Variants in KCNH1 observed in about 807,000 individuals in gnomAD.
The protein encoded by KCNH1 is voltage-gated delayed rectifier potassium channel KCNH1.
KCNH1 carries 27 observed loss-of-function variants against 69.2 expected under a neutral mutation model. That is an observed-to-expected ratio of 0.39 (90% CI 0.29 to 0.54). The LOEUF (loss-of-function observed/expected upper bound fraction) is 0.54. Among genes scored for constraint, KCNH1 ranks in the 20% least tolerant of loss-of-function variants. KCNH1 has a pLI of 0.68. For synonymous variants in KCNH1, 456 were observed against 487.7 expected, an observed-to-expected ratio of 0.93 and a Z score of 0.86; for missense variants, 798 against 1,261.6, an observed-to-expected ratio of 0.63 and a Z score of 5.57.
chr1:210,923,536 C>T (rs1217428982), intron 6 of KCNH1, among the ~76,000 whole-genome samples: 1 of 152,238 alleles, frequency 6.6e-6, no homozygotes, highest in Non-Finnish European at 1.5e-5. Flanking sequence ...TGCAAGCATC[C>T]CACATGGTGG....
intron 6 of KCNH1, among the ~76,000 whole-genome samples, chr1:210,960,148 T>A (rs1476977294): frequency 6.6e-6 from 1 of 152,230 alleles, no homozygotes; most frequent in Non-Finnish European, 1.5e-5. Flanking sequence ...AATGTATATG[T>A]CACATAAAAA....
rs1685051866 is a variant in KCNH1, at chr1:210,827,280, G to C, written c.1463-23114C>G. ...GAACCTGGGAGATGGAGGTTGCAGTGAGCCGAGATTGCGCCATTGCACTCT... is the reference window on the plus strand; with the variant it reads ...GAACCTGGGAGATGGAGGTTGCAGTCAGCCGAGATTGCGCCATTGCACTCT... On this transcript the variant is annotated intron_variant, in intron 7 of 10. Transcript: ENST00000271751. Among the ~76,000 whole-genome samples, 4 of 152,156 alleles carry C rather than the reference G, an allele frequency of 2.6e-5. No individual in the cohort carries two copies. The South Asian group carries it at 6.2e-4, about 24-fold the overall frequency.
intron 7 of KCNH1, among the ~76,000 whole-genome samples, chr1:210,900,937 G>A (rs1347473050): frequency 6.6e-6 from 1 of 151,912 alleles, no homozygotes; most frequent in African/African-American, 2.4e-5. Context: ...ATAAAACACA[G>A]ACACCCCTCC....
At chr1:210,883,003 A>C (rs1574315625) in intron 7 of KCNH1, among the ~76,000 whole-genome samples, 1 of 152,342 alleles carries the variant, frequency 6.6e-6, no homozygotes, top group East Asian at 1.9e-4. Flanking sequence ...ATGAGTAATA[A>C]GTTCCAGTAG....
intron 7 of KCNH1, chr1:210,861,219 T>TA (rs753657352): frequency 4.5e-5 from 44 of 980,076 alleles, no homozygotes; most frequent in Admixed American, 6.8e-5. Context: ...AATGGAAAAA[T>TA]AACATCTTGG....
intron 6 of KCNH1, among the ~76,000 whole-genome samples, chr1:210,934,991 T>C (rs1000868794): frequency 6.6e-6 from 1 of 152,028 alleles, no homozygotes; most frequent in Non-Finnish European, 1.5e-5. Flanking sequence ...TGCTGGGTTA[T>C]GCCCAAAAGA....
chr1:210,899,505 A>T lies in KCNH1; in HGVS notation c.1462+20135T>A, dbSNP rs79023113. Among the ~76,000 whole-genome samples, 474 of 141,510 alleles carry T rather than the reference A, an allele frequency of 3.3e-3. 8 individuals are homozygous for T. The East Asian group carries it at 0.055, about 16-fold the overall frequency. 92.8% of individuals were successfully genotyped at this position (141,510 alleles called of 152,430 possible). ...TCACTTATGAGATATATATATATATATTTTTATCATTATCTCATACAAACA... is the reference window on the plus strand; with the variant it reads ...TCACTTATGAGATATATATATATATTTTTTTATCATTATCTCATACAAACA... On this transcript the variant is annotated intron_variant, in intron 7 of 10. Coordinates refer to ENST00000271751, the MANE Select transcript of KCNH1 (RefSeq NM_172362.3).
rs17260648 is a variant in KCNH1 at position 210,679,844 on chromosome 1, G to C, written c.*3437C>G. 7,372 of 152,286 alleles carry C rather than the reference G, an allele frequency of 0.048. 265 individuals are homozygous for C. Among genetic ancestry groups the C allele is most frequent in the Middle Eastern group, 0.078 (23 of 294 alleles). The allele number at this position is 152,286 out of a possible 1,614,324, so 9.4% of individuals were successfully genotyped here. On this transcript the variant is annotated 3_prime_UTR_variant, in exon 11 of 11. Transcript: ENST00000271751. ...GTAAGAAATGCATTTCCAAAAGTTT[G>C]CTGGAAGGCTGCTAAATGGGCTCAG...
intron 7 of KCNH1, among the ~76,000 whole-genome samples, chr1:210,856,878 T>TATATAA (rs1685857901): frequency 9.4e-5 from 1 of 10,622 alleles, no homozygotes; most frequent in South Asian, 1.3e-3. Flanking sequence ...TATAACCCAC[T>TATATAA]ATATATATAT....
chr1:211,060,400 CAAAAAA>C (rs60620622), intron 5 of KCNH1, among the ~76,000 whole-genome samples: 21 of 44,328 alleles, frequency 4.7e-4, no homozygotes, highest in Admixed American at 2.7e-3. Context: ...GACTCCGTCT[CAAAAAA>C]AAAAAAAAAA....
At chr1:210,771,037 T>G (rs148868327) in intron 10 of KCNH1, among the ~76,000 whole-genome samples, 335 of 152,286 alleles carry the variant, frequency 2.2e-3, no homozygotes, top group Middle Eastern at 0.014. Flanking sequence ...TGTAATAAGC[T>G]GACATACACG....
intron 6 of KCNH1, among the ~76,000 whole-genome samples, chr1:210,981,123 A>G (rs1688701718): frequency 6.6e-6 from 1 of 152,088 alleles, no homozygotes; most frequent in African/African-American, 2.4e-5. Context: ...CACTAAAGTC[A>G]CTCAGAGAAA....
chr1:210,967,946 C>T (rs1574367946), intron 6 of KCNH1, among the ~76,000 whole-genome samples: 1 of 151,928 alleles, frequency 6.6e-6, no homozygotes, highest in East Asian at 1.9e-4. Flanking sequence ...ATACATGTGC[C>T]ATGCTGGTGC....
chr1:211,099,024 T>C (rs1479370394), intron 3 of KCNH1, among the ~76,000 whole-genome samples: 2 of 152,168 alleles, frequency 1.3e-5, no homozygotes, highest in African/African-American at 4.8e-5. Flanking sequence ...ACAAAATATA[T>C]TTGTATAACA....
At chr1:210,772,598 T>C (rs1339121555) in intron 10 of KCNH1, among the ~76,000 whole-genome samples, 1 of 152,006 alleles carries the variant, frequency 6.6e-6, no homozygotes, top group Admixed American at 6.6e-5. Flanking sequence ...GACTCATATA[T>C]AGTCACTTAG....
chr1:210,880,963 A>AT (rs1200710234), intron 7 of KCNH1, among the ~76,000 whole-genome samples: 1 of 152,160 alleles, frequency 6.6e-6, no homozygotes, highest in Admixed American at 6.6e-5. Context: ...GTAAGCATAT[A>AT]AAAAGATATT....
chr1:210,994,970 T>C (rs1211039130), intron 6 of KCNH1, among the ~76,000 whole-genome samples: 1 of 152,224 alleles, frequency 6.6e-6, no homozygotes, highest in Non-Finnish European at 1.5e-5. Context: ...ATAAAGTATT[T>C]AGCACTTATT....
chr1:210,893,142 T>A (rs1407003998), intron 7 of KCNH1, among the ~76,000 whole-genome samples: 2 of 152,186 alleles, frequency 1.3e-5, no homozygotes, highest in Non-Finnish European at 2.9e-5. Flanking sequence ...TTTCATTCAG[T>A]ATCATTTTTG....
At chr1:210,910,991 G>C (rs139201870) in intron 7 of KCNH1, among the ~76,000 whole-genome samples, 1 of 152,122 alleles carries the variant, frequency 6.6e-6, no homozygotes, top group African/African-American at 2.4e-5. Flanking sequence ...CCAGCTGCAC[G>C]TGGTTTTCCT....
Sources: allele counts gnomAD v4.1 joint callset (sites outside exome capture counted in the v4.1 genomes callset), GRCh38; gene constraint gnomAD v4.1.1; transcripts MANE v1.5; gene names NCBI Gene and HGNC (gene_info 2026-07-23, HGNC 2026-07-21).